The following MYT1L variants were observed in gnomAD, a reference collection of about 807,000 sequenced individuals.
The protein encoded by MYT1L is myelin transcription factor 1-like protein.
In MYT1L, 12 loss-of-function variants were observed where a neutral mutation model predicts 126.7. The ratio of observed to expected loss-of-function variants is 0.09; its 90% CI spans 0.06 to 0.15. The LOEUF is 0.15. Ranked by LOEUF, MYT1L falls within the 10% of genes least tolerant of loss-of-function variation. The pLI is 1.00. For synonymous variants in MYT1L, 541 were observed against 604.2 expected (o/e 0.90, Z 1.53); for missense variants, 979 against 1,585.2 (o/e 0.62, Z 6.49).
chr2:2,298,485 C>A (rs185024558), intron 1 of MYT1L, among the ~76,000 whole-genome samples: 95 of 152,282 alleles, frequency 6.2e-4, no homozygotes, highest in Admixed American at 1.1e-3. Context: ...CATGAAGAAG[C>A]AGGCCACAAC....
Position 1,806,926 on chromosome 2 carries a change from T to G in MYT1L, c.3172+2150A>C, listed in dbSNP as rs373929012. ...TAAGTATTTTGAAAAGCGCCCGGCA[T>G]GCAGATGGGGCTTAGGGAATGTTTT... On this transcript the variant is annotated intron_variant, in intron 22 of 24. Coordinates refer to ENST00000647738, the MANE Select transcript of MYT1L (RefSeq NM_001303052.2). The surrounding 1 kb of genome is among the most constrained non-coding windows in gnomAD (Gnocchi z 4.9). Among the ~76,000 whole-genome samples, 1 of 152,232 alleles carries G rather than the reference T, an allele frequency of 6.6e-6. No individual in the cohort carries two copies.
chr2:2,089,913 G>A (rs115583902), intron 3 of MYT1L, among the ~76,000 whole-genome samples: 4,697 of 152,250 alleles, frequency 0.031, 126 homozygotes, highest in Non-Finnish European at 0.047. Context: ...CTCAGTCCCT[G>A]TGAACATAAG....
intron 23 of MYT1L, among the ~76,000 whole-genome samples, chr2:1,796,307 G>A (rs1037066660): frequency 6.6e-6 from 1 of 152,228 alleles, no homozygotes; most frequent in Non-Finnish European, 1.5e-5. Flanking sequence ...TGTAAAATGG[G>A]TGGGAATCCC....
In MYT1L at chr2:1,878,126, C is replaced by T. The variant is rs114922659; in HGVS notation, c.2711+8413G>A. 5.0e-3 allele frequency among the ~76,000 whole-genome samples: 762 copies of T among 152,348 alleles called. 3 individuals carry two copies. The highest frequency in any genetic ancestry group is 0.016 in the African/African-American group (684 of 41,578). Reference sequence around the variant, plus strand: ...CCCATGCTTGAAAGTAATCAAGTTGCATGGTTTTTCACAATAGTGTAACTG... The same window carrying T: ...CCCATGCTTGAAAGTAATCAAGTTGTATGGTTTTTCACAATAGTGTAACTG... On this transcript the variant is annotated intron_variant, in intron 18 of 24. Coordinates refer to ENST00000647738, the MANE Select transcript of MYT1L (RefSeq NM_001303052.2).
rs55682787 is a variant in MYT1L at position 1,792,871 on chromosome 2, C to CAAAAAAAAAAAA, written c.3277-419_3277-408dup. Among the ~76,000 whole-genome samples the CAAAAAAAAAAAA allele has an allele frequency of 4.5e-3, 341 of 75,724 alleles. 12 individuals carry two copies. Among genetic ancestry groups the CAAAAAAAAAAAA allele is most frequent in the African/African-American group, 6.9e-3 (142 of 20,624 alleles). The allele number at this position is 75,724 out of a possible 152,430, so 49.7% of individuals were successfully genotyped here. On this transcript the variant is annotated intron_variant, in intron 23 of 24. Coordinates refer to ENST00000647738, the MANE Select transcript of MYT1L (RefSeq NM_001303052.2). ...GGTGACAGACCGAGATTCCGTCTCA[C>CAAAAAAAAAAAA]AAAAAAAAAAAAAAAAAGGAAAAGA... is the stretch of plus-strand genomic sequence containing the variant.
chr2:2,185,245 G>A (rs928119968), intron 2 of MYT1L, among the ~76,000 whole-genome samples: 1 of 152,084 alleles, frequency 6.6e-6, no homozygotes, highest in Non-Finnish European at 1.5e-5. Flanking sequence ...TGGGAATGAG[G>A]GCACTTTCAA....
intron 8 of MYT1L, among the ~76,000 whole-genome samples, chr2:1,967,915 T>A (rs2149425684): frequency 6.6e-6 from 1 of 152,244 alleles, no homozygotes; most frequent in Non-Finnish European, 1.5e-5. Flanking sequence ...GCTGTCTGTG[T>A]GTCCTCAGGG....
intron 12 of MYT1L, among the ~76,000 whole-genome samples, chr2:1,911,493 G>T (rs1558369126): frequency 6.6e-6 from 1 of 152,186 alleles, no homozygotes; most frequent in East Asian, 1.9e-4. Context: ...CAAAAGAGTG[G>T]TTCTGAGTCC....
Position 1,931,526 on chromosome 2 carries a change from C to A in MYT1L, c.506-8263G>T, listed in dbSNP as rs1423208865. Among the ~76,000 whole-genome samples the A allele has an allele frequency of 2.0e-5, 3 of 152,080 alleles. No homozygotes were observed. The East Asian group carries it at 5.8e-4, about 29-fold the overall frequency. On this transcript the variant is annotated intron_variant, in intron 9 of 24. Coordinates refer to ENST00000647738, the MANE Select transcript of MYT1L (RefSeq NM_001303052.2). ...AGTACTTCCTCCACCCTCAGTGATG[C>A]CCACGTCTGCTGGGCCTTGCAGGGT...
chr2:2,013,188 T>G (rs1219403379), intron 4 of MYT1L, among the ~76,000 whole-genome samples: 1 of 152,138 alleles, frequency 6.6e-6, no homozygotes, highest in African/African-American at 2.4e-5. Context: ...CAAGGAACAC[T>G]CAGGAAACAC....
At chr2:1,964,133 T>C (rs1047041788) in intron 8 of MYT1L, among the ~76,000 whole-genome samples, 1 of 152,168 alleles carries the variant, frequency 6.6e-6, no homozygotes, top group African/African-American at 2.4e-5. Context: ...TTCAATATTA[T>C]TGTGTCTCAG....
At chr2:1,857,401 C>A (rs931115369) in intron 18 of MYT1L, among the ~76,000 whole-genome samples, 1 of 152,134 alleles carries the variant, frequency 6.6e-6, no homozygotes, top group African/African-American at 2.4e-5. Context: ...TGAGTCATTC[C>A]TCAAAGGCTC....
chr2:2,173,863 G>A (rs1033880585), intron 2 of MYT1L, among the ~76,000 whole-genome samples: 2 of 152,184 alleles, frequency 1.3e-5, no homozygotes, highest in African/African-American at 2.4e-5. Context: ...GCAGCTAGAT[G>A]CAGCAGCATT....
intron 3 of MYT1L, among the ~76,000 whole-genome samples, chr2:2,093,377 C>G (rs1459014797): frequency 1.4e-5 from 2 of 147,162 alleles, no homozygotes; most frequent in African/African-American, 5.1e-5. Context: ...CACAAACATG[C>G]TGTGATAATA....
At chr2:2,276,843 C>G (rs921477452) in intron 2 of MYT1L, among the ~76,000 whole-genome samples, 1 of 152,180 alleles carries the variant, frequency 6.6e-6, no homozygotes, top group Non-Finnish European at 1.5e-5. Context: ...TCCACACCCC[C>G]CTGGAAGCCC....
intron 21 of MYT1L, among the ~76,000 whole-genome samples, chr2:1,812,937 GA>G (rs1194366971): frequency 1.3e-5 from 2 of 151,772 alleles, no homozygotes. Context: ...AAGATGAGAG[GA>G]GGGCTGGGGT....
chr2:1,979,387 C>T lies in MYT1L; in HGVS notation c.89+134G>A, dbSNP rs1460016282. ...GGGGAGGCTTTTTACGAGCAAGTCT[C>T]GGGGGAATTAATTTCATCAGTGCAG... On this transcript the variant is annotated intron_variant, in intron 7 of 24. Coordinates refer to ENST00000647738, the MANE Select transcript of MYT1L (RefSeq NM_001303052.2). The surrounding 1 kb of genome is among the most constrained non-coding windows in gnomAD (Gnocchi z 4.0). 20 of 1,123,492 alleles carry T rather than the reference C, an allele frequency of 1.8e-5. No homozygotes were observed. The highest frequency in any genetic ancestry group is 2.3e-4 in the Middle Eastern group (1 of 4,398). The allele number at this position is 1,123,492 out of a possible 1,614,324, so 69.6% of individuals were successfully genotyped here. A position where few individuals can be genotyped will look rare whatever the true frequency, so the allele number is the denominator to read the frequency against.
chr2:2,088,014 C>T (rs564544067), intron 3 of MYT1L, among the ~76,000 whole-genome samples: 1 of 152,344 alleles, frequency 6.6e-6, no homozygotes, highest in South Asian at 2.1e-4. Context: ...GAGTGTAAAT[C>T]TCTAACTTGC....
At chr2:2,011,460 A>G (rs896283848) in intron 4 of MYT1L, among the ~76,000 whole-genome samples, 2 of 152,018 alleles carry the variant, frequency 1.3e-5, no homozygotes, top group Non-Finnish European at 2.9e-5. Context: ...TACAACTCTC[A>G]GATTTGGCAA....
Sources: allele counts gnomAD v4.1 joint callset (sites outside exome capture counted in the v4.1 genomes callset), GRCh38; gene constraint gnomAD v4.1.1; non-coding constraint Gnocchi (gnomAD v3.1); transcripts MANE v1.5; gene names NCBI Gene and HGNC (gene_info 2026-07-23, HGNC 2026-07-21).